The following FAM114A1 variants were observed in gnomAD, a reference collection of about 807,000 sequenced individuals.
FAM114A1 encodes the protein family with sequence similarity 114 member A1.
FAM114A1 carries 62 observed loss-of-function variants against 64.3 expected under a neutral mutation model. The ratio of observed to expected loss-of-function variants is 0.96; its 90% confidence interval spans 0.79 to 1.19. FAM114A1 has a LOEUF of 1.19. Among genes scored for constraint, FAM114A1 ranks in the 50% most tolerant of loss-of-function variants. The probability of loss-of-function intolerance (pLI) is 0.00; values close to 1 mark genes in which losing one functional copy is unlikely to be tolerated. For synonymous variants in FAM114A1, 254 were observed against 251.1 expected (o/e 1.01, Z -0.11); for missense variants, 645 against 676.3 (o/e 0.95, Z 0.51).
rs777759223 is a variant in FAM114A1, at chr4:38,922,790, A to T, written c.966A>T (p.Ser322=). ...SESKVQSFLA[S]LDGEKLELLK... The stretch of plus-strand genomic sequence containing the variant: ...TTCAGGTTCAGTCATTTTTAGCATC[A>T]CTTGATGGAGAGAAGCTGGAACTCT... Residue 322 remains serine, a synonymous_variant, in exon 9 of 15, where the codon TCA becomes TCT. Coordinates refer to ENST00000358869, the MANE Select transcript of FAM114A1 (RefSeq NM_138389.4). The T allele has an allele frequency of 9.9e-6, 16 of 1,611,016 alleles. No individual in the cohort carries two copies. The Admixed American group carries it at 2.7e-4, about 27-fold the overall frequency.
At position 38,943,929 on chromosome 4, in the gene FAM114A1, T is replaced by TA; in HGVS notation, c.*375dup. On this transcript the variant is annotated 3_prime_UTR_variant, in exon 15 of 15. Transcript: ENST00000358869. ...GTTTAATCCTTTATGTTTCAACCTT[T>TA]AAATGTTCCATTCTTATAGTATTAC... 1 of 172,636 alleles carries TA rather than the reference T, an allele frequency of 5.8e-6. No homozygotes were observed. Among genetic ancestry groups the TA allele is most frequent in the Admixed American group, 5.7e-5 (1 of 17,684 alleles). The allele number at this position is 172,636 out of a possible 1,614,324, so 10.7% of individuals were successfully genotyped here. A position where few individuals can be genotyped will look rare whatever the true frequency, so the allele number is the denominator to read the frequency against.
chr4:38,928,176 T>C (rs888963953), intron 9 of FAM114A1, among the ~76,000 whole-genome samples: 1 of 152,238 alleles, frequency 6.6e-6, no homozygotes, highest in African/African-American at 2.4e-5. Context: ...GGATGCAGTG[T>C]TTCTCACATG....
At position 38,922,670 on chromosome 4, in the gene FAM114A1, A is replaced by G. The variant is rs562398029; in HGVS notation, c.946-100A>G. The G allele has an allele frequency of 1.3e-4, 195 of 1,457,586 alleles. 2 individuals carry two copies. The Middle Eastern group carries it at 5.7e-3, about 43-fold the overall frequency. 90.3% of individuals were successfully genotyped at this position (1,457,586 alleles called of 1,614,324 possible). A position where few individuals can be genotyped will look rare whatever the true frequency, so the allele number is the denominator to read the frequency against. On this transcript the variant is annotated intron_variant, in intron 8 of 14. Coordinates refer to ENST00000358869, the MANE Select transcript of FAM114A1 (RefSeq NM_138389.4). Reference sequence around the variant, plus strand: ...TCAACCCAGCGATACCTCCCACACCATGAATCACTTTTGTCCTGGGAAAAC... The same window carrying G: ...TCAACCCAGCGATACCTCCCACACCGTGAATCACTTTTGTCCTGGGAAAAC...
chr4:38,892,554 G>T (rs1331069098), intron 4 of FAM114A1, among the ~76,000 whole-genome samples: 1 of 152,150 alleles, frequency 6.6e-6, no homozygotes, highest in Non-Finnish European at 1.5e-5. Flanking sequence ...AATTTGTCAT[G>T]ATATTCTTCA....
intron 3 of FAM114A1, among the ~76,000 whole-genome samples, chr4:38,880,107 GTAGAA>G (rs573937537): frequency 0.11 from 13,861 of 127,046 alleles, 850 homozygotes; most frequent in African/African-American, 0.13. Context: ...ATAAAATAGA[GTAGAA>G]TAGAATAGAA....
Position 38,922,760 on chromosome 4 carries a change from C to A in FAM114A1, c.946-10C>A. On this transcript the variant is annotated splice_polypyrimidine_tract_variant and intron_variant, in intron 8 of 14. Transcript: ENST00000358869. ...AGATGACAGTCGTGCTGACCTATTT[C>A]TTTTTTCAGGTTCAGTCATTTTTAG... The A allele has an allele frequency of 1.2e-6, 2 of 1,606,182 alleles. No individual in the cohort carries two copies. The highest frequency in any genetic ancestry group is 1.7e-6 in the Non-Finnish European group (2 of 1,177,736).
chr4:38,929,160 G>T (rs745538120), intron 9 of FAM114A1, 82 bp from the exon 10 acceptor site: 7 of 1,084,114 alleles, frequency 6.5e-6, no homozygotes, highest in South Asian at 3.8e-5. Context: ...TACCCCAGCT[G>T]CAGGCTGTAA....
intron 10 of FAM114A1, among the ~76,000 whole-genome samples, 198 bp downstream of exon 10, chr4:38,929,531 A>T (rs1230986370): frequency 6.6e-6 from 1 of 152,268 alleles, no homozygotes; most frequent in African/African-American, 2.4e-5. Context: ...TAATCCCAGC[A>T]CTTTGGGAGG....
rs527428159 is a variant in FAM114A1 at position 38,910,602 on chromosome 4, T to G, written c.792+1876T>G. ...AAGAGGTGATGAGGAATCAGAAATG[T>G]GGGTGTGAGGGGCAGGCTGAGTGTT... On this transcript the variant is annotated intron_variant, in intron 7 of 14. Coordinates refer to ENST00000358869, the MANE Select transcript of FAM114A1 (RefSeq NM_138389.4). 4.1e-4 allele frequency among the ~76,000 whole-genome samples: 63 copies of G among 151,994 alleles called. No individual in the cohort carries two copies. In the South Asian group the frequency reaches 0.012, roughly 30 times the overall value.
chr4:38,908,564 TA>T, intron 6 of FAM114A1, 27 bp from the exon 7 acceptor site: 1 of 1,574,934 alleles, frequency 6.3e-7, no homozygotes. Flanking sequence ...CCTAAACATC[TA>T]ATCTCATGCA....
At chr4:38,873,024 C>T (rs7685725) in intron 2 of FAM114A1, among the ~76,000 whole-genome samples, 37,997 of 151,826 alleles carry the variant, frequency 0.25, 5,278 homozygotes, top group Non-Finnish European at 0.28. Flanking sequence ...TTAGCAGCCC[C>T]CATCAATTCT....
intron 3 of FAM114A1, among the ~76,000 whole-genome samples, chr4:38,880,173 T>C (rs563840703): frequency 2.1e-5 from 3 of 141,208 alleles, no homozygotes; most frequent in Non-Finnish European, 4.7e-5. Flanking sequence ...TAGAATAGAA[T>C]AGAAAATATT....
chr4:38,868,094 C>G, intron 1 of FAM114A1: 1 of 365,502 alleles, frequency 2.7e-6, no homozygotes, highest in South Asian at 1.9e-5. Flanking sequence ...TCCGGGTCCA[C>G]GCTCATGCAC....
At chr4:38,868,813 T>C (rs1713729501) in intron 2 of FAM114A1, among the ~76,000 whole-genome samples, 1 of 152,196 alleles carries the variant, frequency 6.6e-6, no homozygotes, top group Non-Finnish European at 1.5e-5. Context: ...TGCAGCCTAG[T>C]GGCTCCTTCC....
intron 2 of FAM114A1, among the ~76,000 whole-genome samples, chr4:38,872,571 G>T (rs937656045): frequency 2.2e-4 from 34 of 152,144 alleles, no homozygotes; most frequent in Non-Finnish European, 2.9e-4. Flanking sequence ...TTAAAAAAAT[G>T]AGAATAAAAG....
rs1234379074 is a variant in FAM114A1 at position 38,944,891 on chromosome 4, G to A, written c.*1334G>A. 6.6e-6 allele frequency: 1 copy of A among 152,086 alleles called. No individual in the cohort carries two copies. The highest frequency in any genetic ancestry group is 1.9e-4 in the East Asian group (1 of 5,188). The allele number at this position is 152,086 out of a possible 1,614,324, so 9.4% of individuals were successfully genotyped here. A position where few individuals can be genotyped will look rare whatever the true frequency, so the allele number is the denominator to read the frequency against. ...CCGGTCCCTGGTACCAGAAAGGTTG[G>A]GGACCACTGGCTTAAAATACCAATA... On this transcript the variant is annotated 3_prime_UTR_variant, in exon 15 of 15. Transcript: ENST00000358869.
At chr4:38,908,530 G>C in intron 6 of FAM114A1, 62 bp from the exon 7 acceptor site, 1 of 1,492,066 alleles carries the variant, frequency 6.7e-7, no homozygotes. Context: ...CCTAGGAGTT[G>C]CTGACTGCTG....
intron 13 of FAM114A1, 51 bp downstream of exon 13, chr4:38,935,841 T>A (rs1360647882): frequency 7.8e-7 from 1 of 1,286,460 alleles, no homozygotes; most frequent in Non-Finnish European, 1.1e-6. Context: ...GAAGTATGTC[T>A]GTGAGGAAAT....
intron 8 of FAM114A1, among the ~76,000 whole-genome samples, chr4:38,921,949 C>T (rs1719636077): frequency 6.6e-6 from 1 of 151,906 alleles, no homozygotes. Flanking sequence ...TTTATTCATT[C>T]ATTTATTTTT....
Sources: gnomAD v4.1 joint callset for allele counts (sites outside exome capture counted in the v4.1 genomes callset) on GRCh38, gnomAD v4.1.1 for gene constraint, MANE v1.5 for transcripts, NCBI Gene and HGNC (gene_info 2026-07-23, HGNC 2026-07-21) for gene names.